The following PCNX2 variants were observed in gnomAD, a reference collection of about 807,000 sequenced individuals.
The protein encoded by PCNX2 is pecanex-like protein 2.
Under a neutral mutation model 223.8 loss-of-function variants are expected in PCNX2, and 168 were observed. The observed-to-expected ratio is 0.75, with a 90% CI of 0.66 to 0.85. The LOEUF is 0.85. PCNX2 is among the 40% of genes least tolerant of loss of function. The pLI is 0.00. For missense variants in PCNX2, 2,507 were observed against 2,675.5 expected (o/e 0.94, Z 1.39); for synonymous variants, 1,006 against 1,052.6 (o/e 0.96, Z 0.86).
the PCNX2 span, among the ~76,000 whole-genome samples, chr1:233,307,326 T>A: frequency 6.6e-6 from 1 of 152,000 alleles, no homozygotes; most frequent in Non-Finnish European, 1.5e-5. Context: ...TCAGAGAGAG[T>A]GAGTTCTCAC....
chr1:233,067,944 T>A (rs1387476450), intron 23 of PCNX2, among the ~76,000 whole-genome samples: 1 of 151,948 alleles, frequency 6.6e-6, no homozygotes, highest in Non-Finnish European at 1.5e-5. Context: ...GGGACTGTAA[T>A]TAAAGAACTA....
intron 21 of PCNX2, among the ~76,000 whole-genome samples, chr1:233,121,580 A>G (rs1558252611): frequency 6.6e-6 from 1 of 152,188 alleles, no homozygotes; most frequent in Non-Finnish European, 1.5e-5. Context: ...AGGCAATTCT[A>G]TGGAGTAGAA....
chr1:233,225,556 C>CCATTGTAACTTCTGG (rs1348731534), intron 10 of PCNX2, among the ~76,000 whole-genome samples: 1 of 152,106 alleles, frequency 6.6e-6, no homozygotes, highest in Non-Finnish European at 1.5e-5. Flanking sequence ...ATTTAAAAAC[C>CCATTGTAACTTCTGG]CATTGTAACT....
intron 1 of PCNX2, chr1:233,291,680 T>A: frequency 1.0e-6 from 1 of 983,164 alleles, no homozygotes; most frequent in Non-Finnish European, 1.2e-6. Flanking sequence ...CTCTCAGGAC[T>A]TACACAGGCC....
At chr1:233,167,910 A>G in intron 17 of PCNX2, 2 of 775,594 alleles carry the variant, frequency 2.6e-6, no homozygotes, top group Non-Finnish European at 3.1e-6. Context: ...TTTTTCAGGT[A>G]GGTATATTTT....
intron 1 of PCNX2, 62 bp from the exon 2 acceptor site, chr1:233,263,225 T>C: frequency 7.3e-7 from 1 of 1,373,118 alleles, no homozygotes; most frequent in Non-Finnish European, 9.8e-7. Context: ...CTGTTTTAAA[T>C]CTGGAAGCAT....
chr1:233,047,037 C>A (rs1293951312), intron 25 of PCNX2, among the ~76,000 whole-genome samples: 1 of 152,164 alleles, frequency 6.6e-6, no homozygotes, highest in Non-Finnish European at 1.5e-5. Flanking sequence ...GATGCCTAGT[C>A]TGGCCTCTGG....
At chr1:233,108,657 G>A (rs1276975850) in intron 21 of PCNX2, among the ~76,000 whole-genome samples, 1 of 152,212 alleles carries the variant, frequency 6.6e-6, no homozygotes, top group Non-Finnish European at 1.5e-5. Flanking sequence ...AACAAAAATT[G>A]TAATCTGTGG....
chr1:233,196,381 C>T (rs1426011598), intron 15 of PCNX2, among the ~76,000 whole-genome samples: 3 of 151,202 alleles, frequency 2.0e-5, no homozygotes, highest in Non-Finnish European at 4.4e-5. Context: ...TTCATTGTAA[C>T]TAAAAACTTC....
intron 15 of PCNX2, among the ~76,000 whole-genome samples, chr1:233,181,408 G>C (rs1482510267): frequency 6.6e-6 from 1 of 152,074 alleles, no homozygotes; most frequent in Non-Finnish European, 1.5e-5. Context: ...ATGTTGGTCA[G>C]ACTGGTTTCG....
intron 9 of PCNX2, among the ~76,000 whole-genome samples, chr1:233,229,022 G>C (rs545842643): frequency 4.1e-4 from 62 of 152,304 alleles, no homozygotes; most frequent in African/African-American, 1.5e-3. Flanking sequence ...GCTTTTAAAG[G>C]ACTTCTACAT....
intron 23 of PCNX2, among the ~76,000 whole-genome samples, chr1:233,060,745 C>T (rs568384403): frequency 3.3e-5 from 5 of 152,342 alleles, no homozygotes; most frequent in Non-Finnish European, 5.9e-5. Flanking sequence ...TCCTGGTACA[C>T]ATTAGGCATG....
intron 21 of PCNX2, among the ~76,000 whole-genome samples, chr1:233,098,026 C>A (rs983461627): frequency 1.4e-4 from 21 of 152,114 alleles, no homozygotes; most frequent in African/African-American, 5.1e-4. Context: ...CTTCTAGTCA[C>A]CCCCCTATTA....
At chr1:233,136,238 C>T (rs996660032) in intron 20 of PCNX2, among the ~76,000 whole-genome samples, 18 of 152,192 alleles carry the variant, frequency 1.2e-4, no homozygotes, top group Admixed American at 1.1e-3. Flanking sequence ...AAAATGGTTG[C>T]ACTTCTAAGA....
At chr1:233,289,284 C>T in intron 1 of PCNX2, 1 of 981,534 alleles carries the variant, frequency 1.0e-6, no homozygotes, top group African/African-American at 1.6e-5. Context: ...TTTCTGACCA[C>T]CACCAACCTC....
intron 9 of PCNX2, among the ~76,000 whole-genome samples, chr1:233,231,333 T>C (rs1017090357): frequency 3.9e-5 from 6 of 152,034 alleles, no homozygotes; most frequent in African/African-American, 1.5e-4. Context: ...GCAAACTAGA[T>C]AATGGAAACT....
At chr1:233,083,997 T>C (rs2102927232) in intron 23 of PCNX2, among the ~76,000 whole-genome samples, 1 of 152,068 alleles carries the variant, frequency 6.6e-6, no homozygotes, top group East Asian at 1.9e-4. Context: ...GAAAGGAAAA[T>C]GAAATGGGGT....
At chr1:233,018,885 CT>C in intron 26 of PCNX2, 1 of 985,390 alleles carries the variant, frequency 1.0e-6, no homozygotes, top group Non-Finnish European at 1.2e-6. Context: ...AAAACATATT[CT>C]TTTTAAGTGA....
chr1:233,149,016 T>G (rs1677635463), intron 19 of PCNX2, among the ~76,000 whole-genome samples: 1 of 152,244 alleles, frequency 6.6e-6, no homozygotes, highest in South Asian at 2.1e-4. Flanking sequence ...ATGTGCTTCC[T>G]GCATCCCCAG....
Sources: allele counts gnomAD v4.1 joint callset (sites outside exome capture counted in the v4.1 genomes callset), GRCh38; gene constraint gnomAD v4.1.1; transcripts MANE v1.5; gene names NCBI Gene and HGNC (gene_info 2026-07-23, HGNC 2026-07-21).